STT3A: variants seen among roughly 807,000 people sequenced by gnomAD.
STT3A encodes the protein STT3 oligosaccharyltransferase complex catalytic subunit A.
STT3A carries 34 observed loss-of-function variants against 89.2 expected under a neutral mutation model. That is an observed-to-expected ratio of 0.38 (90% CI 0.29 to 0.51). The LOEUF (loss-of-function observed/expected upper bound fraction) is 0.51. Among genes scored for constraint, STT3A ranks in the 20% least tolerant of loss-of-function variants. The pLI is 0.89. For synonymous variants in STT3A, 282 were observed against 310.3 expected (o/e 0.91, Z 0.96); for missense variants, 555 against 889.5 (o/e 0.62, Z 4.78).
chr11:125,593,132 A>T (rs1367053634), intron 1 of STT3A: 1 of 153,104 alleles, frequency 6.5e-6, no homozygotes, highest in African/African-American at 2.4e-5. Context: ...GGGTCTTGAG[A>T]ACAGAGCGTG....
rs1287732488 is a variant in STT3A at position 125,621,355 on chromosome 11, A to G, written c.*545A>G. The G allele has an allele frequency of 6.6e-6, 1 of 152,274 alleles. No individual in the cohort carries two copies. Among genetic ancestry groups the G allele is most frequent in the Non-Finnish European group, 1.5e-5 (1 of 68,094 alleles). The allele number at this position is 152,274 out of a possible 1,614,324, so 9.4% of individuals were successfully genotyped here. On this transcript the variant is annotated 3_prime_UTR_variant, in exon 18 of 18. Coordinates refer to ENST00000392708, the MANE Select transcript of STT3A (RefSeq NM_152713.5). ...TGTGGGACCAGAAGAGTGCTAGAAG[A>G]GTGCCTTTCTGGGCTACTATGTCTC...
chr11:125,602,176 T>C (rs923572290), intron 3 of STT3A, 127 bp from the exon 4 acceptor site: 9 of 1,121,214 alleles, frequency 8.0e-6, no homozygotes, highest in Non-Finnish European at 1.1e-5. Context: ...TAGTGTAAAA[T>C]GATTTTCATG....
At chr11:125,604,121 T>C in intron 5 of STT3A, 36 bp from the exon 6 acceptor site, 1 of 1,599,998 alleles carries the variant, frequency 6.3e-7, no homozygotes, top group Non-Finnish European at 8.6e-7. Context: ...AGCATTGTAT[T>C]GGTGTTAATG....
chr11:125,611,567 T>C (rs1490682797), intron 11 of STT3A, 48 bp downstream of exon 11: 1 of 1,538,990 alleles, frequency 6.5e-7, no homozygotes, highest in South Asian at 1.1e-5. Flanking sequence ...AACTCTGAGG[T>C]GCTTTTTTAT....
At chr11:125,610,057 C>CTTTTTT (rs66578574) in intron 10 of STT3A, among the ~76,000 whole-genome samples, 5 of 106,078 alleles carry the variant, frequency 4.7e-5, no homozygotes, top group African/African-American at 3.4e-5. Flanking sequence ...TAACTTTTAC[C>CTTTTTT]TTTTTTTTTT....
At position 125,602,404 on chromosome 11, in the gene STT3A, T is replaced by C. The variant is rs759953502; in HGVS notation, c.251T>C (p.Ile84Thr). 39 of 1,610,550 alleles carry C rather than the reference T, an allele frequency of 2.4e-5. No individual in the cohort carries two copies. The highest frequency in any genetic ancestry group is 4.5e-5 in the East Asian group (2 of 44,808). Residue 84 changes from isoleucine (I) to threonine (T), a missense_variant, in exon 4 of 18, where the codon ATT (isoleucine) becomes ACT (threonine). Physicochemically the swap from Ile to Thr is moderately conservative, Grantham distance 89 (BLOSUM62 -1). Coordinates refer to ENST00000392708, the MANE Select transcript of STT3A (RefSeq NM_152713.5). ...GCCTGGTACCCTTTGGGACGAATCA[T>C]TGGAGGAACAATTTACCCAGGTGAG... ...DRAWYPLGRI[I>T]GGTIYPGLMI...
At position 125,620,874 on chromosome 11, in the gene STT3A, T is replaced by A; in HGVS notation, c.*64T>A. 7.6e-7 allele frequency: 1 copy of A among 1,311,038 alleles called. No individual in the cohort carries two copies. The highest frequency in any genetic ancestry group is 1.0e-6 in the Non-Finnish European group (1 of 964,078). The allele number at this position is 1,311,038 out of a possible 1,614,324, so 81.2% of individuals were successfully genotyped here. On this transcript the variant is annotated 3_prime_UTR_variant, in exon 18 of 18. Coordinates refer to ENST00000392708, the MANE Select transcript of STT3A (RefSeq NM_152713.5). ...ATCACATTTAGGACGTTGAAGATTT[T>A]TTTTTTTTTTTTTTTTTAATATGCA...
At chr11:125,608,340 G>A in intron 9 of STT3A, 51 bp downstream of exon 9, 1 of 1,531,226 alleles carries the variant, frequency 6.5e-7, no homozygotes, top group Non-Finnish European at 8.7e-7. Flanking sequence ...TTAAGATGGA[G>A]TTTCGCTCTT....
intron 8 of STT3A, among the ~76,000 whole-genome samples, 182 bp downstream of exon 8, chr11:125,606,647 T>G (rs995792840): frequency 6.6e-6 from 1 of 152,246 alleles, no homozygotes; most frequent in Non-Finnish European, 1.5e-5. Flanking sequence ...AGGAGTCTGC[T>G]AATATTTGCT....
Position 125,620,782 on chromosome 11 carries a change from T to A in STT3A, c.2090T>A (p.Leu697Gln). The change falls in exon 18 of 18, where the codon CTG (leucine) becomes CAG (glutamine). Residue 697 changes from leucine to glutamine, a missense_variant. Coordinates refer to ENST00000392708, the MANE Select transcript of STT3A (RefSeq NM_152713.5). ...ATCTTTATGTTGCAGGTAAAGGACC[T>A]GGATAATCGAGGCTTGTCAAGGACA... Reference protein sequence around the residue: ...WLVRIYKVKDLDNRGLSRT With the variant: ...WLVRIYKVKDQDNRGLSRT 1 of 1,613,968 alleles carries A rather than the reference T, an allele frequency of 6.2e-7. No homozygotes were observed. Among genetic ancestry groups the A allele is most frequent in the Non-Finnish European group, 8.5e-7 (1 of 1,179,904 alleles).
chr11:125,611,565 G>T (rs1940016208), intron 11 of STT3A, 46 bp downstream of exon 11: 1 of 1,559,080 alleles, frequency 6.4e-7, no homozygotes, highest in African/African-American at 1.4e-5. Flanking sequence ...CTAACTCTGA[G>T]GTGCTTTTTT....
In STT3A at chr11:125,620,897, G is replaced by C; in HGVS notation, c.*87G>C. The C allele has an allele frequency of 2.7e-6, 3 of 1,105,936 alleles. No homozygotes were observed. The highest frequency in any genetic ancestry group is 3.8e-6 in the Non-Finnish European group (3 of 789,228). 68.5% of individuals were successfully genotyped at this position (1,105,936 alleles called of 1,614,324 possible). A position where few individuals can be genotyped will look rare whatever the true frequency, so the allele number is the denominator to read the frequency against. On this transcript the variant is annotated 3_prime_UTR_variant, in exon 18 of 18. Transcript: ENST00000392708. ...TTTTTTTTTTTTTTTTTTTTAATAT[G>C]CAGTTTGTAAGAACAAAACTGGATG...
intron 15 of STT3A, among the ~76,000 whole-genome samples, chr11:125,616,726 G>A (rs1386682010): frequency 6.6e-6 from 1 of 152,166 alleles, no homozygotes; most frequent in Non-Finnish European, 1.5e-5. Flanking sequence ...CACCCAGGCT[G>A]GAGTTCAGTG....
chr11:125,596,276 C>T (rs1939493110), intron 2 of STT3A, among the ~76,000 whole-genome samples: 1 of 152,052 alleles, frequency 6.6e-6, no homozygotes, highest in Non-Finnish European at 1.5e-5. Context: ...ACCAGCCTGG[C>T]CAACATGATG....
At chr11:125,611,815 A>G (rs1187591432) in intron 11 of STT3A, among the ~76,000 whole-genome samples, 1 of 147,578 alleles carries the variant, frequency 6.8e-6, no homozygotes, top group Non-Finnish European at 1.5e-5. Flanking sequence ...TTTTTCTTGA[A>G]GGCTTGGGAG....
intron 6 of STT3A, among the ~76,000 whole-genome samples, chr11:125,605,043 G>A (rs747619632): frequency 4.6e-5 from 7 of 152,078 alleles, no homozygotes; most frequent in Admixed American, 3.3e-4. Context: ...TTGAGGCTGC[G>A]GTGAGCTGTG....
intron 11 of STT3A, among the ~76,000 whole-genome samples, chr11:125,612,345 CCA>C (rs1940051330): frequency 6.6e-6 from 1 of 152,010 alleles, no homozygotes; most frequent in Admixed American, 6.6e-5. Context: ...TGGTCTCAAA[CCA>C]CAGTTATGAA....
At chr11:125,593,462 C>T (rs1028569266) in intron 1 of STT3A, 1 of 152,188 alleles carries the variant, frequency 6.6e-6, no homozygotes, top group Non-Finnish European at 1.5e-5. Flanking sequence ...TGTCTTTGCT[C>T]TTATTTGCTT....
At chr11:125,592,585 G>C (rs765306665), upstream of STT3A, 42 of 433,958 alleles carry the variant, frequency 9.7e-5, no homozygotes, top group Non-Finnish European at 1.8e-4. Flanking sequence ...TCACTCCTCG[G>C]CCCTCAACCA....
Sources: allele counts gnomAD v4.1 joint callset (sites outside exome capture counted in the v4.1 genomes callset), GRCh38; gene constraint gnomAD v4.1.1; transcripts MANE v1.5; gene names NCBI Gene and HGNC (gene_info 2026-07-23, HGNC 2026-07-21).